Variants in FAM222B observed in about 807,000 individuals in gnomAD.
FAM222B encodes the protein family with sequence similarity 222 member B.
A neutral mutation model predicts 38.0 loss-of-function variants in FAM222B; 12 were observed. The observed-to-expected ratio is 0.32, with a 90% CI of 0.20 to 0.51. The LOEUF (loss-of-function observed/expected upper bound fraction) is 0.51. FAM222B is among the 20% of genes least tolerant of loss of function. The pLI, the probability that FAM222B is intolerant of heterozygous loss-of-function variation, is 0.97. For synonymous variants in FAM222B, 329 were observed against 317.2 expected (o/e 1.04, Z -0.40); for missense variants, 716 against 754.2 (o/e 0.95, Z 0.59).
At chr17:28,833,798 C>T (rs1349193393) in intron 1 of FAM222B, among the ~76,000 whole-genome samples, 1 of 152,126 alleles carries the variant, frequency 6.6e-6, no homozygotes, top group African/African-American at 2.4e-5. Flanking sequence ...ATCAAGCTGA[C>T]TTTCACTACT....
At chr17:28,838,448 C>T (rs773398392) in intron 1 of FAM222B, among the ~76,000 whole-genome samples, 5 of 150,154 alleles carry the variant, frequency 3.3e-5, no homozygotes, top group South Asian at 2.1e-4. Context: ...GGCGTGGTGA[C>T]GGGCACCTGT....
At chr17:28,828,021 T>TC (rs1567893869) in intron 1 of FAM222B, among the ~76,000 whole-genome samples, 3 of 150,242 alleles carry the variant, frequency 2.0e-5, no homozygotes, top group African/African-American at 7.3e-5. Context: ...TAGGAGAACT[T>TC]CAACATTAAA....
In FAM222B at chr17:28,838,576, AAAAT is replaced by A. The variant is rs1456611909; in HGVS notation, c.-41+4102_-41+4105del. 2.7e-5 allele frequency among the ~76,000 whole-genome samples: 4 copies of A among 150,746 alleles called. No homozygotes were observed. The East Asian group carries it at 5.9e-4, about 22-fold the overall frequency. ...GTCTGGGCGACAGAGACTCCATCTC[AAAAT>A]AAATAAATAAATAAATAGAATTTAA... On this transcript the variant is annotated intron_variant, in intron 1 of 2. Coordinates refer to ENST00000581407, the MANE Select transcript of FAM222B (RefSeq NM_001077498.3).
At chr17:28,814,866 C>T (rs1051588340) in intron 1 of FAM222B, among the ~76,000 whole-genome samples, 21 of 151,020 alleles carry the variant, frequency 1.4e-4, no homozygotes, top group Admixed American at 1.1e-3. Flanking sequence ...CTCTGCCTCC[C>T]GGGCTCAAGC....
chr17:28,818,550 T>G (rs1008709093), intron 1 of FAM222B, among the ~76,000 whole-genome samples: 3 of 148,228 alleles, frequency 2.0e-5, no homozygotes, highest in African/African-American at 7.4e-5. Context: ...AAAAAAAGAA[T>G]AAAAATAAAA....
intron 1 of FAM222B, among the ~76,000 whole-genome samples, chr17:28,800,034 CTTT>C (rs35953415): frequency 1.4e-5 from 2 of 144,796 alleles, no homozygotes. Context: ...ATGATACTTT[CTTT>C]TTTTTTTTTT....
At chr17:28,777,496 T>G (rs2035947387) in intron 1 of FAM222B, among the ~76,000 whole-genome samples, 1 of 152,202 alleles carries the variant, frequency 6.6e-6, no homozygotes, top group Admixed American at 6.6e-5. Context: ...GTATTCTCCC[T>G]GCATATTCTA....
chr17:28,799,963 A>G (rs1442167268), intron 1 of FAM222B, among the ~76,000 whole-genome samples: 2 of 152,088 alleles, frequency 1.3e-5, no homozygotes, highest in Non-Finnish European at 2.9e-5. Flanking sequence ...CACACATACC[A>G]AAGACTGCTG....
At chr17:28,780,591 T>C (rs548759349) in intron 1 of FAM222B, among the ~76,000 whole-genome samples, 24 of 151,784 alleles carry the variant, frequency 1.6e-4, no homozygotes, top group Non-Finnish European at 2.8e-4. Context: ...AAGTATAAAA[T>C]ATTGAAGAGG....
chr17:28,756,345 G>GC lies in FAM222B; in HGVS notation c.*1924_*1925insG, dbSNP rs2034689622. On this transcript the variant is annotated 3_prime_UTR_variant, in exon 3 of 3. Coordinates refer to ENST00000581407, the MANE Select transcript of FAM222B (RefSeq NM_001077498.3). Reference sequence around the variant, plus strand: ...TTCAGAGGCTTGCACCCCTACACAGGAAGAGATGGGTTTGAGGTTGTTTGA... The same window carrying GC: ...TTCAGAGGCTTGCACCCCTACACAGGCAAGAGATGGGTTTGAGGTTGTTTGA... 1 of 152,638 alleles carries GC rather than the reference G, an allele frequency of 6.6e-6. No individual in the cohort carries two copies. Among genetic ancestry groups the GC allele is most frequent in the South Asian group, 2.1e-4 (1 of 4,836 alleles). 9.5% of individuals were successfully genotyped at this position (152,638 alleles called of 1,614,324 possible).
At chr17:28,835,720 C>T (rs920403901) in intron 1 of FAM222B, among the ~76,000 whole-genome samples, 6 of 152,102 alleles carry the variant, frequency 3.9e-5, no homozygotes, top group Non-Finnish European at 8.8e-5. Flanking sequence ...AGTGCAATAG[C>T]GAGTTTACAG....
chr17:28,801,963 T>G (rs1023637953), intron 1 of FAM222B, among the ~76,000 whole-genome samples: 4 of 151,286 alleles, frequency 2.6e-5, no homozygotes, highest in African/African-American at 9.7e-5. Context: ...AATCTGATTT[T>G]CATTCAGTTC....
At chr17:28,844,109 G>A (rs1488370268), upstream of FAM222B, among the ~76,000 whole-genome samples, 2 of 152,152 alleles carry the variant, frequency 1.3e-5, no homozygotes, top group African/African-American at 4.8e-5. Flanking sequence ...CTAGACTACT[G>A]TGCTGCTTTG....
chr17:28,810,153 C>T (rs929283634), intron 1 of FAM222B, among the ~76,000 whole-genome samples: 7 of 152,072 alleles, frequency 4.6e-5, no homozygotes, highest in Non-Finnish European at 7.4e-5. Context: ...TGCACCACCA[C>T]GCCCAGCTAA....
chr17:28,813,274 G>A (rs1466035057), intron 1 of FAM222B, among the ~76,000 whole-genome samples: 5 of 151,792 alleles, frequency 3.3e-5, no homozygotes, highest in East Asian at 1.9e-4. Context: ...GCAGGTTTCA[G>A]TACAATTAGG....
intron 1 of FAM222B, among the ~76,000 whole-genome samples, chr17:28,831,663 T>C (rs2038673363): frequency 6.6e-6 from 1 of 151,942 alleles, no homozygotes; most frequent in African/African-American, 2.4e-5. Context: ...TGAGCAACTA[T>C]GCCAGGCTAA....
chr17:28,829,611 A>G (rs773430196), intron 1 of FAM222B, among the ~76,000 whole-genome samples: 1 of 152,310 alleles, frequency 6.6e-6, no homozygotes, highest in Non-Finnish European at 1.5e-5. Context: ...TACTAAGCAT[A>G]ATACCAATGA....
intron 1 of FAM222B, among the ~76,000 whole-genome samples, chr17:28,825,433 CAAA>C (rs935599439): frequency 4.8e-5 from 2 of 41,320 alleles, no homozygotes; most frequent in Admixed American, 2.6e-4. Context: ...GATCCCGTCT[CAAA>C]AAAAAAAAAA....
intron 1 of FAM222B, among the ~76,000 whole-genome samples, chr17:28,800,853 GAAAAAAAAAAA>G (rs534314851): frequency 1.8e-5 from 2 of 111,072 alleles, no homozygotes; most frequent in East Asian, 2.6e-4. Flanking sequence ...ACATTTTGTT[GAAAAAAAAAAA>G]AAAAAAAAAA....
Sources: allele counts gnomAD v4.1 joint callset (sites outside exome capture counted in the v4.1 genomes callset), GRCh38; gene constraint gnomAD v4.1.1; transcripts MANE v1.5; gene names NCBI Gene and HGNC (gene_info 2026-07-23, HGNC 2026-07-21).